Variants in ZHX3 observed in about 807,000 individuals in gnomAD.
ZHX3 encodes zinc fingers and homeoboxes protein 3.
A neutral mutation model predicts 64.5 loss-of-function variants in ZHX3; 20 were observed. The ratio of observed to expected loss-of-function variants is 0.31; its 90% confidence interval spans 0.22 to 0.45. The LOEUF (loss-of-function observed/expected upper bound fraction) is 0.45. Among genes scored for constraint, ZHX3 ranks in the 20% least tolerant of loss-of-function variants. The probability of loss-of-function intolerance (pLI) is 1.00; values close to 1 mark genes in which losing one functional copy is unlikely to be tolerated. For synonymous variants in ZHX3, 423 were observed against 461.6 expected (o/e 0.92, Z 1.07); for missense variants, 1,041 against 1,195.8 (o/e 0.87, Z 1.91).
intron 2 of ZHX3, among the ~76,000 whole-genome samples, chr20:41,260,560 A>G (rs2042511319): frequency 6.6e-6 from 1 of 152,184 alleles, no homozygotes; most frequent in African/African-American, 2.4e-5. Context: ...AGATTTGCCT[A>G]CTTCTAGTTC....
Position 41,235,120 on chromosome 20 carries a change from GGT to G in ZHX3, c.-150-30056_-150-30055del, listed in dbSNP as rs367962902. ...GTAATGCTGTACTTGCAGCAAACTC[GGT>G]GTGTGTGTGTGTATGTGCACACATG... On this transcript the variant is annotated intron_variant, in intron 2 of 3. Transcript: ENST00000683867. 4.0e-5 allele frequency among the ~76,000 whole-genome samples: 6 copies of G among 151,628 alleles called. No homozygotes were observed. The South Asian group carries it at 1.0e-3, about 26-fold the overall frequency.
intron 1 of ZHX3, among the ~76,000 whole-genome samples, chr20:41,301,871 G>A (rs6102346): frequency 0.019 from 2,919 of 151,362 alleles, 88 homozygotes; most frequent in African/African-American, 0.066. Flanking sequence ...CGGCTAAAAC[G>A]GTGAAACCCC....
At chr20:41,187,341 A>T (rs1294115413) in intron 3 of ZHX3, among the ~76,000 whole-genome samples, 1 of 151,744 alleles carries the variant, frequency 6.6e-6, no homozygotes, top group Non-Finnish European at 1.5e-5. Context: ...AAAAAAAAAA[A>T]AAAAAAGTAA....
In ZHX3 at chr20:41,226,311, G is replaced by A. The variant is rs1467454294; in HGVS notation, c.-150-21245C>T. Among the ~76,000 whole-genome samples, 2 of 152,002 alleles carry A rather than the reference G, an allele frequency of 1.3e-5. No homozygotes were observed. The highest frequency in any genetic ancestry group is 2.1e-4 in the South Asian group (1 of 4,790). The stretch of plus-strand genomic sequence containing the variant: ...GTGGAGGTTGCAGTAAACTGAGATC[G>A]CGCCACTGAACTCCAGCCTGGGTGA... On this transcript the variant is annotated intron_variant, in intron 2 of 3. Transcript: ENST00000683867. The surrounding 1 kb of genome is among the most constrained non-coding windows in gnomAD (Gnocchi z 4.4).
chr20:41,221,178 G>A (rs1032586364), intron 2 of ZHX3, among the ~76,000 whole-genome samples: 1 of 152,078 alleles, frequency 6.6e-6, no homozygotes, highest in African/African-American at 2.4e-5. Flanking sequence ...CTCAACAGTG[G>A]CATCTAAATC....
At chr20:41,284,562 A>G (rs2043843607) in intron 1 of ZHX3, among the ~76,000 whole-genome samples, 1 of 151,990 alleles carries the variant, frequency 6.6e-6, no homozygotes, top group South Asian at 2.1e-4. Context: ...TAAATCTTCA[A>G]TCTGTCTGTT....
At chr20:41,187,007 T>C (rs972014336) in intron 3 of ZHX3, among the ~76,000 whole-genome samples, 1 of 152,172 alleles carries the variant, frequency 6.6e-6, no homozygotes, top group Admixed American at 6.5e-5. Context: ...TTGTTGCCTA[T>C]GCTTTGAGTG....
At chr20:41,214,722 G>A (rs1476319542) in intron 2 of ZHX3, among the ~76,000 whole-genome samples, 1 of 152,160 alleles carries the variant, frequency 6.6e-6, no homozygotes, top group Admixed American at 6.5e-5. Flanking sequence ...AAACAGCAAA[G>A]TTCTAATTAT....
At chr20:41,227,591 C>T (rs1346943841) in intron 2 of ZHX3, among the ~76,000 whole-genome samples, 1 of 152,168 alleles carries the variant, frequency 6.6e-6, no homozygotes, top group Non-Finnish European at 1.5e-5. Context: ...TATTTCCTTT[C>T]CATGAGACTT....
At chr20:41,278,067 G>C (rs2043482471) in intron 1 of ZHX3, among the ~76,000 whole-genome samples, 1 of 139,232 alleles carries the variant, frequency 7.2e-6, no homozygotes, top group African/African-American at 2.7e-5. Context: ...GGGGAGGCTG[G>C]GTGTGGTGGC....
intron 2 of ZHX3, among the ~76,000 whole-genome samples, chr20:41,221,504 G>A (rs529862530): frequency 8.5e-4 from 130 of 152,114 alleles, no homozygotes; most frequent in African/African-American, 3.0e-3. Context: ...GCCAGAATAT[G>A]GGGAAGACAA....
intron 1 of ZHX3, chr20:41,269,419 T>C (rs2043017607): frequency 6.6e-6 from 1 of 152,200 alleles, no homozygotes; most frequent in African/African-American, 2.4e-5. Context: ...ACAGATGTGT[T>C]GCTTTGTAAC....
At chr20:41,192,641 C>T (rs2037131303) in intron 3 of ZHX3, among the ~76,000 whole-genome samples, 1 of 152,258 alleles carries the variant, frequency 6.6e-6, no homozygotes, top group Non-Finnish European at 1.5e-5. Context: ...AACCCAGTCA[C>T]TTATGCCTCA....
At chr20:41,207,517 A>G (rs1341649774) in intron 2 of ZHX3, among the ~76,000 whole-genome samples, 1 of 152,234 alleles carries the variant, frequency 6.6e-6, no homozygotes. Context: ...GTGCAATCAA[A>G]CTAGAACTCA....
intron 2 of ZHX3, among the ~76,000 whole-genome samples, chr20:41,263,884 T>C (rs558488004): frequency 1.3e-5 from 2 of 152,230 alleles, no homozygotes; most frequent in East Asian, 1.9e-4. Context: ...TAAAGTTTTA[T>C]ATTTCAACTA....
chr20:41,234,526 C>T (rs2040833142), intron 2 of ZHX3, among the ~76,000 whole-genome samples: 2 of 152,170 alleles, frequency 1.3e-5, no homozygotes, highest in Non-Finnish European at 2.9e-5. Context: ...ATATTCCTGT[C>T]CTCAAGTTAA....
intron 3 of ZHX3, among the ~76,000 whole-genome samples, chr20:41,192,764 CTGTTT>C (rs2037145271): frequency 6.6e-6 from 1 of 152,206 alleles, no homozygotes; most frequent in Non-Finnish European, 1.5e-5. Context: ...CTTGCTGTAG[CTGTTT>C]TGTTCTCAGG....
At chr20:41,304,374 A>AT (rs1398431275) in intron 1 of ZHX3, among the ~76,000 whole-genome samples, 2 of 152,154 alleles carry the variant, frequency 1.3e-5, no homozygotes, top group Non-Finnish European at 2.9e-5. Context: ...GCTCTCCACA[A>AT]TCTGGCTACA....
intron 2 of ZHX3, among the ~76,000 whole-genome samples, chr20:41,233,729 G>A (rs1238872344): frequency 6.6e-6 from 1 of 152,156 alleles, no homozygotes; most frequent in Non-Finnish European, 1.5e-5. Flanking sequence ...AGAACTATCA[G>A]GACATCAGAA....
Sources: gnomAD v4.1 joint callset for allele counts (sites outside exome capture counted in the v4.1 genomes callset) on GRCh38, gnomAD v4.1.1 for gene constraint, Gnocchi (gnomAD v3.1) non-coding constraint, MANE v1.5 for transcripts, NCBI Gene and HGNC (gene_info 2026-07-23, HGNC 2026-07-21) for gene names.